Variants in RAB11FIP4 observed in about 807,000 individuals in gnomAD.
RAB11FIP4 encodes RAB11 family interacting protein 4.
Under a neutral mutation model 74.3 loss-of-function variants are expected in RAB11FIP4, and 23 were observed. That is an observed-to-expected ratio of 0.31 (90% CI 0.22 to 0.44). The LOEUF is 0.44. Among genes scored for constraint, RAB11FIP4 ranks in the 20% least tolerant of loss-of-function variants. The pLI, the probability that RAB11FIP4 is intolerant of heterozygous loss-of-function variation, is 1.00. For missense variants in RAB11FIP4, 630 were observed against 863.9 expected (o/e 0.73, Z 3.39); for synonymous variants, 360 against 359.9 (o/e 1.00, Z 0.00).
chr17:31,425,145 A>C (rs1567650979), intron 1 of RAB11FIP4, among the ~76,000 whole-genome samples: 1 of 152,138 alleles, frequency 6.6e-6, no homozygotes. Flanking sequence ...TTGCCTTTCT[A>C]TGTCTCAGTT....
intron 3 of RAB11FIP4, among the ~76,000 whole-genome samples, chr17:31,450,334 T>TTATTAC (rs2071513513): frequency 8.7e-6 from 1 of 115,392 alleles, no homozygotes; most frequent in Non-Finnish European, 1.9e-5. Context: ...ATTATTATTA[T>TTATTAC]TATTATTATT....
intron 1 of RAB11FIP4, among the ~76,000 whole-genome samples, chr17:31,401,914 T>C (rs2070989750): frequency 6.6e-6 from 1 of 152,206 alleles, no homozygotes; most frequent in Admixed American, 6.5e-5. Flanking sequence ...AGCTGAAATC[T>C]ATCTCCTAGA....
intron 3 of RAB11FIP4, among the ~76,000 whole-genome samples, chr17:31,477,277 T>C (rs1050789460): frequency 6.6e-5 from 10 of 152,290 alleles, no homozygotes; most frequent in African/African-American, 2.4e-4. Flanking sequence ...CTGAGACTAA[T>C]GGCTGCCACC....
intron 3 of RAB11FIP4, among the ~76,000 whole-genome samples, chr17:31,508,776 C>T (rs1380434209): frequency 6.6e-6 from 1 of 152,214 alleles, no homozygotes; most frequent in Non-Finnish European, 1.5e-5. Context: ...GGTTATCTGA[C>T]ATCTCTCATT....
chr17:31,520,877 ATAATT>A, intron 4 of RAB11FIP4: 1 of 187,858 alleles, frequency 5.3e-6, no homozygotes, highest in Non-Finnish European at 1.1e-5. Flanking sequence ...TACTAACATT[ATAATT>A]TAATAATTAT....
chr17:31,504,447 T>A (rs1256947136), intron 3 of RAB11FIP4, among the ~76,000 whole-genome samples: 1 of 152,060 alleles, frequency 6.6e-6, no homozygotes, highest in Admixed American at 6.6e-5. Context: ...TTTGTATTTT[T>A]GGTAGAGACA....
At position 31,517,705 on chromosome 17, in the gene RAB11FIP4, C is replaced by T; in HGVS notation, c.391C>T (p.Pro131Ser). Residue 131 changes from proline (P) to serine (S), a missense_variant, in exon 4 of 15, where the codon CCC (proline) becomes TCC (serine). Coordinates refer to ENST00000621161, the MANE Select transcript of RAB11FIP4 (RefSeq NM_032932.6). ...TGATGGCGAGCTCATCCCCAGGGAA[C>T]CCGGCTTTTTTCCCGAGGACGAGGA... ...FADGELIPRE[P>S]GFFPEDEEEA... 6 of 1,607,278 alleles carry T rather than the reference C, an allele frequency of 3.7e-6. No homozygotes were observed. Among genetic ancestry groups the T allele is most frequent in the Non-Finnish European group, 5.1e-6 (6 of 1,177,542 alleles).
In RAB11FIP4 at chr17:31,392,028, C is replaced by A; in HGVS notation, c.159+17C>A. ...GGCGAGGAGGTAAGCTGGCCCGACC[C>A]CAGTCCCGGCCCGGGGACCCCAGCC... is the stretch of plus-strand genomic sequence containing the variant. On this transcript the variant is annotated intron_variant, in intron 1 of 14. Coordinates refer to ENST00000621161, the MANE Select transcript of RAB11FIP4 (RefSeq NM_032932.6). 1 of 1,272,468 alleles carries A rather than the reference C, an allele frequency of 7.9e-7. No individual in the cohort carries two copies. 78.8% of individuals were successfully genotyped at this position (1,272,468 alleles called of 1,614,324 possible).
chr17:31,480,793 C>CAAAAAAAA (rs36097331), intron 3 of RAB11FIP4, among the ~76,000 whole-genome samples: 4 of 73,836 alleles, frequency 5.4e-5, no homozygotes, highest in Admixed American at 1.7e-4. Flanking sequence ...GACTCCGTCT[C>CAAAAAAAA]AAAAAAAAAA....
intron 3 of RAB11FIP4, among the ~76,000 whole-genome samples, chr17:31,506,200 C>T (rs943354072): frequency 1.3e-5 from 2 of 152,126 alleles, no homozygotes; most frequent in African/African-American, 4.8e-5. Context: ...ATTATTTACT[C>T]AGTTTTCTTT....
rs1403757431 is a variant in RAB11FIP4 at position 31,445,529 on chromosome 17, ATTTTATATATATATATATATATATAT to A, written c.336+11408_336+11433del. Among the ~76,000 whole-genome samples, 3 of 90,738 alleles carry A rather than the reference ATTTTATATATATATATATATATATAT, an allele frequency of 3.3e-5. 1 individual carries two copies. Among genetic ancestry groups the A allele is most frequent in the African/African-American group, 8.6e-5 (2 of 23,256 alleles). The allele number at this position is 90,738 out of a possible 152,430, so 59.5% of individuals were successfully genotyped here. Reference sequence around the variant, plus strand: ...TAAAATCTACATTCAAATTTTCCCAATTTTATATATATATATATATATATATATATATATATATATATATATATATT... The same window carrying A: ...TAAAATCTACATTCAAATTTTCCCAAATATATATATATATATATATATATT... On this transcript the variant is annotated intron_variant, in intron 3 of 14. Coordinates refer to ENST00000621161, the MANE Select transcript of RAB11FIP4 (RefSeq NM_032932.6).
At chr17:31,398,673 G>A (rs1376348247) in intron 1 of RAB11FIP4, among the ~76,000 whole-genome samples, 3 of 152,226 alleles carry the variant, frequency 2.0e-5, no homozygotes, top group South Asian at 2.1e-4. Flanking sequence ...GGTGGGTCAC[G>A]AGGCTGGACA....
rs1319530504 is a variant in RAB11FIP4 at position 31,517,689 on chromosome 17, G to A, written c.375G>A (p.Glu125=). The change falls in exon 4 of 15, where the codon GAG becomes GAA. Residue 125 remains glutamate, a synonymous_variant. Transcript: ENST00000621161. The part of the protein sequence containing the change: ...EVTGPTFADG[E]LIPREPGFFP... ...CAGGCCCCACCTTTGCTGATGGCGA[G>A]CTCATCCCCAGGGAACCCGGCTTTT... The A allele has an allele frequency of 3.1e-6, 5 of 1,607,912 alleles. No individual in the cohort carries two copies. The South Asian group carries it at 4.5e-5, about 14-fold the overall frequency.
chr17:31,445,390 T>G (rs1158375293), intron 3 of RAB11FIP4, among the ~76,000 whole-genome samples: 1 of 151,522 alleles, frequency 6.6e-6, no homozygotes, highest in Non-Finnish European at 1.5e-5. Context: ...GTTGCGGACA[T>G]GACACTTCAT....
Position 31,512,224 on chromosome 17 carries a change from G to A in RAB11FIP4, c.337-5427G>A, listed in dbSNP as rs923530924. The stretch of plus-strand genomic sequence containing the variant: ...CTCGTGAGGCCAGGTCAGAATTTAC[G>A]GCTCCTACCGTGACCGACTCTCCGG... On this transcript the variant is annotated intron_variant, in intron 3 of 14. Coordinates refer to ENST00000621161, the MANE Select transcript of RAB11FIP4 (RefSeq NM_032932.6). The surrounding 1 kb of genome is among the most constrained non-coding windows in gnomAD (Gnocchi z 4.1). Among the ~76,000 whole-genome samples the A allele has an allele frequency of 6.6e-6, 1 of 152,160 alleles. No individual in the cohort carries two copies. The highest frequency in any genetic ancestry group is 1.5e-5 in the Non-Finnish European group (1 of 68,032).
At chr17:31,440,335 A>G (rs1156412660) in intron 3 of RAB11FIP4, among the ~76,000 whole-genome samples, 2 of 152,162 alleles carry the variant, frequency 1.3e-5, no homozygotes, top group Non-Finnish European at 2.9e-5. Flanking sequence ...TACCTTATAT[A>G]CGTAGGTCTC....
chr17:31,434,153 T>C (rs2071337051), intron 3 of RAB11FIP4, 31 bp downstream of exon 3: 1 of 1,502,856 alleles, frequency 6.7e-7, no homozygotes, highest in Non-Finnish European at 9.0e-7. Context: ...AGGACCTCCA[T>C]GGCTCTGCCT....
intron 10 of RAB11FIP4, chr17:31,527,593 C>CAA: frequency 3.7e-5 from 15 of 409,210 alleles, no homozygotes; most frequent in South Asian, 7.5e-5. Context: ...GACTCTGTCT[C>CAA]AAAAAAAAAA....
chr17:31,471,066 A>G (rs1440343029), intron 3 of RAB11FIP4, among the ~76,000 whole-genome samples: 1 of 138,882 alleles, frequency 7.2e-6, no homozygotes, highest in African/African-American at 3.2e-5. Context: ...GGGAAATGGA[A>G]GGTTTTTTTT....
Sources: gnomAD v4.1 joint callset for allele counts (sites outside exome capture counted in the v4.1 genomes callset) on GRCh38, gnomAD v4.1.1 for gene constraint, Gnocchi (gnomAD v3.1) non-coding constraint, MANE v1.5 for transcripts, NCBI Gene and HGNC (gene_info 2026-07-23, HGNC 2026-07-21) for gene names.